NLGN1: variants seen among roughly 807,000 people sequenced by gnomAD.
NLGN1 encodes the protein neuroligin 1.
In NLGN1, 12 loss-of-function variants were observed where a neutral mutation model predicts 65.5. The observed-to-expected ratio is 0.18, with a 90% CI of 0.12 to 0.30. The LOEUF (loss-of-function observed/expected upper bound fraction) is 0.30, where lower values mean the gene tolerates loss of function less well. Ranked by LOEUF, NLGN1 falls within the 10% of genes least tolerant of loss-of-function variation. The pLI is 1.00. For missense variants in NLGN1, 750 were observed against 1,007.1 expected, an observed-to-expected ratio of 0.74 and a Z score of 3.46; for synonymous variants, 350 against 359.5, an observed-to-expected ratio of 0.97 and a Z score of 0.30.
intron 4 of NLGN1, among the ~76,000 whole-genome samples, chr3:174,090,405 G>A (rs1420907745): frequency 6.6e-6 from 1 of 152,008 alleles, no homozygotes; most frequent in African/African-American, 2.4e-5. Context: ...CCTGGGAGGT[G>A]GAGTTTGCAG....
rs906337463 is a variant in NLGN1, at chr3:174,089,839, C to T, written c.647-185476C>T. On this transcript the variant is annotated intron_variant, in intron 4 of 6. Transcript: ENST00000457714. ...AATTTCTATGGCAAATTCACAAATGCATTCAGAGGGCAGAGTAAGCTCTAT... is the reference window on the plus strand; with the variant it reads ...AATTTCTATGGCAAATTCACAAATGTATTCAGAGGGCAGAGTAAGCTCTAT... Among the ~76,000 whole-genome samples the T allele has an allele frequency of 5.9e-5, 9 of 151,776 alleles. No homozygotes were observed. The East Asian group carries it at 1.8e-3, about 30-fold the overall frequency.
intron 3 of NLGN1, among the ~76,000 whole-genome samples, chr3:173,671,931 T>A (rs1762504107): frequency 6.6e-6 from 1 of 152,102 alleles, no homozygotes; most frequent in South Asian, 2.1e-4. Flanking sequence ...TCCCAGCACT[T>A]TGGGAGGCCG....
chr3:174,210,043 A>C (rs187651214), intron 4 of NLGN1, among the ~76,000 whole-genome samples: 58 of 152,266 alleles, frequency 3.8e-4, no homozygotes, highest in South Asian at 6.2e-4. Flanking sequence ...TTTATCTTAC[A>C]GATGTTTTGA....
downstream of NLGN1, among the ~76,000 whole-genome samples, chr3:174,290,509 A>G (rs78449842): frequency 0.02 from 2,990 of 151,242 alleles, 38 homozygotes; most frequent in East Asian, 0.032. Context: ...TGTCCTCGAA[A>G]TAGGGAAGAA....
chr3:173,806,651 A>C (rs923653912), intron 3 of NLGN1, among the ~76,000 whole-genome samples: 1 of 152,278 alleles, frequency 6.6e-6, no homozygotes, highest in Non-Finnish European at 1.5e-5. Flanking sequence ...ATACGTAGAT[A>C]GAACTATGTT....
chr3:174,186,318 C>T (rs752743465), intron 4 of NLGN1, among the ~76,000 whole-genome samples: 3 of 151,994 alleles, frequency 2.0e-5, no homozygotes, highest in Non-Finnish European at 4.4e-5. Context: ...TGGTTTCAGC[C>T]TCTTTGACTC....
intron 3 of NLGN1, among the ~76,000 whole-genome samples, chr3:173,648,291 T>G (rs2149624789): frequency 6.6e-6 from 1 of 152,218 alleles, no homozygotes; most frequent in Middle Eastern, 3.4e-3. Context: ...ACAAAATCTC[T>G]AAACACAATA....
rs114616773 is a variant in NLGN1, at chr3:174,226,488, G to A, written c.647-48827G>A. On this transcript the variant is annotated intron_variant, in intron 4 of 6. Transcript: ENST00000457714. ...TTTTCTTGTACAAGTAGCATAACAC[G>A]GAAGTAATGATTTTAAGTTCTAGTC... Among the ~76,000 whole-genome samples, 458 of 152,160 alleles carry A rather than the reference G, an allele frequency of 3.0e-3. 1 individual carries two copies. Among genetic ancestry groups the A allele is most frequent in the African/African-American group, 9.5e-3 (395 of 41,488 alleles).
At chr3:173,767,503 T>G (rs933485346) in intron 3 of NLGN1, among the ~76,000 whole-genome samples, 1 of 151,972 alleles carries the variant, frequency 6.6e-6, no homozygotes, top group African/African-American at 2.4e-5. Context: ...TAATAATAAA[T>G]ATTAGAAAAT....
At chr3:174,101,766 ATGAC>A (rs1381929107) in intron 4 of NLGN1, among the ~76,000 whole-genome samples, 3 of 152,198 alleles carry the variant, frequency 2.0e-5, no homozygotes, top group Non-Finnish European at 2.9e-5. Flanking sequence ...GACTAGAAAA[ATGAC>A]TGACTGACTA....
At chr3:174,071,260 G>A (rs1739788113) in intron 4 of NLGN1, among the ~76,000 whole-genome samples, 1 of 152,170 alleles carries the variant, frequency 6.6e-6, no homozygotes, top group Admixed American at 6.5e-5. Flanking sequence ...CAGGAAGACA[G>A]AGAAATGTTG....
intron 3 of NLGN1, among the ~76,000 whole-genome samples, chr3:173,728,384 A>G (rs1772188630): frequency 6.6e-6 from 1 of 152,110 alleles, no homozygotes; most frequent in East Asian, 1.9e-4. Flanking sequence ...GCATGTATGT[A>G]TGGGAGGACA....
At chr3:173,442,919 CCTATAGTA>C (rs1263649847) in intron 2 of NLGN1, among the ~76,000 whole-genome samples, 1 of 152,064 alleles carries the variant, frequency 6.6e-6, no homozygotes, top group Admixed American at 6.6e-5. Context: ...AACCCAGCAG[CCTATAGTA>C]CTAAGTAAAT....
At chr3:173,665,869 G>A (rs1761625663) in intron 3 of NLGN1, among the ~76,000 whole-genome samples, 1 of 152,038 alleles carries the variant, frequency 6.6e-6, no homozygotes, top group Non-Finnish European at 1.5e-5. Context: ...AATTATTCAT[G>A]TTTTTTTGGA....
intron 4 of NLGN1, among the ~76,000 whole-genome samples, chr3:174,179,948 C>G (rs1303668197): frequency 6.6e-6 from 1 of 151,892 alleles, no homozygotes; most frequent in Non-Finnish European, 1.5e-5. Context: ...TAATGGTGCC[C>G]CGGATTTCGA....
intron 4 of NLGN1, among the ~76,000 whole-genome samples, chr3:174,158,853 A>G (rs1725964794): frequency 6.6e-6 from 1 of 151,596 alleles, no homozygotes; most frequent in African/African-American, 2.4e-5. Context: ...CCACCTTGTT[A>G]TCCAACAGTC....
At chr3:173,901,348 A>G (rs1340337200) in intron 4 of NLGN1, among the ~76,000 whole-genome samples, 1 of 149,898 alleles carries the variant, frequency 6.7e-6, no homozygotes. Flanking sequence ...AATATTTGAA[A>G]AACTAGTATT....
At chr3:173,399,360 T>C (rs1462055451) in intron 1 of NLGN1, among the ~76,000 whole-genome samples, 2 of 152,212 alleles carry the variant, frequency 1.3e-5, no homozygotes, top group Non-Finnish European at 2.9e-5. Context: ...TAAGAAAAGC[T>C]TCTTTAGTTC....
At chr3:174,176,391 G>GT (rs147927052) in intron 4 of NLGN1, among the ~76,000 whole-genome samples, 2,178 of 151,294 alleles carry the variant, frequency 0.014, 54 homozygotes, top group African/African-American at 0.05. Flanking sequence ...TTTTATAGAT[G>GT]CAAAAAAAAA....
Sources: gnomAD v4.1 joint callset for allele counts (sites outside exome capture counted in the v4.1 genomes callset) on GRCh38, gnomAD v4.1.1 for gene constraint, MANE v1.5 for transcripts, NCBI Gene and HGNC (gene_info 2026-07-23, HGNC 2026-07-21) for gene names.